Variants in FSHR observed in about 807,000 individuals in gnomAD.
FSHR encodes the protein follicle stimulating hormone receptor, also known as follicle-stimulating hormone receptor.
A neutral mutation model predicts 52.1 loss-of-function variants in FSHR; 46 were observed. The observed-to-expected ratio is 0.88, with a 90% CI of 0.70 to 1.13. The LOEUF (loss-of-function observed/expected upper bound fraction) is 1.13, where lower values mean the gene tolerates loss of function less well. FSHR is among the 50% of genes most tolerant of loss of function. The pLI, the probability that FSHR is intolerant of heterozygous loss-of-function variation, is 0.00. For synonymous variants in FSHR, 399 were observed against 309.6 expected, an observed-to-expected ratio of 1.29 and a Z score of -3.03; for missense variants, 964 against 834.6, an observed-to-expected ratio of 1.16 and a Z score of -1.91.
chr2:49,072,122 A>G (rs1341911501), intron 1 of FSHR, among the ~76,000 whole-genome samples: 2 of 152,156 alleles, frequency 1.3e-5, no homozygotes, highest in African/African-American at 4.8e-5. Context: ...TTCTTTGATG[A>G]TGATGCTATT....
chr2:49,092,077 G>C (rs1358809773), intron 1 of FSHR, among the ~76,000 whole-genome samples: 1 of 152,192 alleles, frequency 6.6e-6, no homozygotes, highest in South Asian at 2.1e-4. Flanking sequence ...TCAGGATACA[G>C]ATCCTGTATC....
chr2:48,999,328 C>T (rs767384921), intron 4 of FSHR, among the ~76,000 whole-genome samples: 1 of 152,064 alleles, frequency 6.6e-6, no homozygotes, highest in Non-Finnish European at 1.5e-5. Context: ...TGAGGATGCT[C>T]AGCTGAGAGA....
intron 1 of FSHR, among the ~76,000 whole-genome samples, chr2:49,071,022 G>A (rs1261775709): frequency 6.6e-6 from 1 of 152,050 alleles, no homozygotes; most frequent in Non-Finnish European, 1.5e-5. Context: ...TCTGAACTTG[G>A]AGGCTAAGGG....
chr2:49,072,427 C>T (rs569165126), intron 1 of FSHR, among the ~76,000 whole-genome samples: 2 of 151,918 alleles, frequency 1.3e-5, no homozygotes, highest in South Asian at 2.1e-4. Context: ...GAAAAGGAAA[C>T]AAAAAATTAG....
chr2:49,117,689 G>A (rs1382437852), intron 1 of FSHR, among the ~76,000 whole-genome samples: 3 of 152,120 alleles, frequency 2.0e-5, no homozygotes, highest in Non-Finnish European at 4.4e-5. Context: ...AGTATAGCAG[G>A]ACCAAGGAGA....
At chr2:48,999,981 A>G (rs1332475994) in intron 4 of FSHR, among the ~76,000 whole-genome samples, 2 of 152,124 alleles carry the variant, frequency 1.3e-5, no homozygotes, top group Non-Finnish European at 2.9e-5. Context: ...TACTATTAGG[A>G]CATGGTTGGT....
intron 1 of FSHR, among the ~76,000 whole-genome samples, chr2:49,122,927 C>T (rs998536942): frequency 6.6e-6 from 1 of 152,084 alleles, no homozygotes; most frequent in Non-Finnish European, 1.5e-5. Flanking sequence ...TGAAGATATA[C>T]TGGAGTCTAT....
intron 1 of FSHR, among the ~76,000 whole-genome samples, chr2:49,111,045 T>C (rs1671404032): frequency 6.6e-6 from 1 of 152,184 alleles, no homozygotes; most frequent in Non-Finnish European, 1.5e-5. Flanking sequence ...ATGTATGGCC[T>C]GTGGCCATGT....
At chr2:49,016,597 G>T (rs1197879856) in intron 4 of FSHR, among the ~76,000 whole-genome samples, 1 of 152,132 alleles carries the variant, frequency 6.6e-6, no homozygotes. Flanking sequence ...ATTAACAATA[G>T]ATGTATAAAT....
At chr2:49,153,699 C>G (rs1328351610) in intron 1 of FSHR, among the ~76,000 whole-genome samples, 4 of 152,002 alleles carry the variant, frequency 2.6e-5, no homozygotes, top group Admixed American at 6.6e-5. Context: ...GTATTTCTCC[C>G]TCTCTCTGTG....
chr2:49,087,525 C>T (rs552109967), intron 1 of FSHR, among the ~76,000 whole-genome samples: 1 of 152,192 alleles, frequency 6.6e-6, no homozygotes, highest in South Asian at 2.1e-4. Context: ...CCCTAATTAG[C>T]TTATGTTCTA....
chr2:49,116,642 C>T (rs1671609692), intron 1 of FSHR, among the ~76,000 whole-genome samples: 1 of 152,158 alleles, frequency 6.6e-6, no homozygotes, highest in South Asian at 2.1e-4. Flanking sequence ...GTTTCTTAAC[C>T]TCCATGTATG....
intron 4 of FSHR, among the ~76,000 whole-genome samples, chr2:48,998,864 A>C (rs1369709474): frequency 1.3e-5 from 2 of 152,132 alleles, no homozygotes. Context: ...GAAATGGTAC[A>C]TAATAAGAGA....
intron 2 of FSHR, among the ~76,000 whole-genome samples, chr2:49,039,875 T>C (rs1205991460): frequency 2.0e-5 from 3 of 152,124 alleles, no homozygotes; most frequent in African/African-American, 4.8e-5. Context: ...GGATATCTTA[T>C]GGTGGAATTA....
At chr2:49,127,836 TTC>T (rs1672095880) in intron 1 of FSHR, among the ~76,000 whole-genome samples, 3 of 11,768 alleles carry the variant, frequency 2.5e-4, no homozygotes, top group African/African-American at 1.2e-3. Context: ...CTTCCTCTTC[TTC>T]TTCTTCTTCT....
At chr2:48,978,589 C>A (rs1474003054) in intron 8 of FSHR, among the ~76,000 whole-genome samples, 2 of 152,208 alleles carry the variant, frequency 1.3e-5, no homozygotes, top group Non-Finnish European at 2.9e-5. Context: ...GAAACTGTTT[C>A]CCAAAGAAAC....
At chr2:49,006,183 T>C (rs951431686) in intron 4 of FSHR, among the ~76,000 whole-genome samples, 1 of 152,108 alleles carries the variant, frequency 6.6e-6, no homozygotes, top group Non-Finnish European at 1.5e-5. Context: ...AACTCCCCTT[T>C]ATGTATACAT....
intron 1 of FSHR, among the ~76,000 whole-genome samples, chr2:49,130,518 A>C (rs1021091941): frequency 3.3e-5 from 5 of 152,124 alleles, no homozygotes; most frequent in African/African-American, 1.2e-4. Flanking sequence ...ATACAATCCA[A>C]TTCAGTTCAA....
At position 49,078,744 on chromosome 2, in the gene FSHR, A is replaced by G. The variant is rs186694918; in HGVS notation, c.153-10454T>C. 2.0e-5 allele frequency among the ~76,000 whole-genome samples: 3 copies of G among 152,292 alleles called. No individual in the cohort carries two copies. In the East Asian group the frequency reaches 5.8e-4, roughly 29 times the overall value. On this transcript the variant is annotated intron_variant, in intron 1 of 9. Coordinates refer to ENST00000406846, the MANE Select transcript of FSHR (RefSeq NM_000145.4). ...TCTTAATCTGATAAGGGGTAATTCG[A>G]TTAAACACTAAAATAAATATACTGA...
Sources: gnomAD v4.1 joint callset for allele counts (sites outside exome capture counted in the v4.1 genomes callset) on GRCh38, gnomAD v4.1.1 for gene constraint, MANE v1.5 for transcripts, NCBI Gene and HGNC (gene_info 2026-07-23, HGNC 2026-07-21) for gene names.